The following ADAMTSL1 variants were observed in gnomAD, a reference collection of about 807,000 sequenced individuals.
The protein encoded by ADAMTSL1 is ADAMTS like 1.
In ADAMTSL1, 126 loss-of-function variants were observed where a neutral mutation model predicts 201.8. That is an observed-to-expected ratio of 0.62 (90% CI 0.54 to 0.72). ADAMTSL1 has a LOEUF of 0.72. ADAMTSL1 is among the 30% of genes least tolerant of loss of function. ADAMTSL1 has a pLI of 0.00. For missense variants in ADAMTSL1, 2,679 were observed against 2,277.8 expected (o/e 1.18, Z -3.59); for synonymous variants, 1,121 against 903.4 (o/e 1.24, Z -4.32).
intron 1 of ADAMTSL1, among the ~76,000 whole-genome samples, chr9:18,499,924 T>C (rs1029189719): frequency 2.0e-5 from 3 of 152,252 alleles, no homozygotes; most frequent in Admixed American, 2.0e-4. Context: ...CCTCTTGTTT[T>C]AACATTTGGA....
chr9:18,228,765 G>A (rs770402466), intron 2 of ADAMTSL1, among the ~76,000 whole-genome samples: 127 of 152,094 alleles, frequency 8.4e-4, no homozygotes, highest in African/African-American at 2.7e-3. Context: ...AGTATAAGTC[G>A]AGTTTTAATT....
At chr9:18,475,520 C>T (rs1821404515) in intron 1 of ADAMTSL1, among the ~76,000 whole-genome samples, 1 of 151,986 alleles carries the variant, frequency 6.6e-6, no homozygotes, top group Non-Finnish European at 1.5e-5. Flanking sequence ...ATTGCAAGTG[C>T]TATAAATATA....
chr9:18,491,491 T>C (rs1161680940), intron 1 of ADAMTSL1, among the ~76,000 whole-genome samples: 3 of 152,196 alleles, frequency 2.0e-5, no homozygotes, highest in Non-Finnish European at 4.4e-5. Context: ...TTATAAACTC[T>C]CAAAGTATTT....
chr9:18,312,885 G>A (rs1030993003), intron 2 of ADAMTSL1, among the ~76,000 whole-genome samples: 6 of 151,968 alleles, frequency 3.9e-5, no homozygotes, highest in African/African-American at 1.5e-4. Context: ...GCTGCTTCTG[G>A]CCACCAGCCA....
chr9:18,742,801 T>C (rs1818916106), intron 15 of ADAMTSL1, among the ~76,000 whole-genome samples: 1 of 152,178 alleles, frequency 6.6e-6, no homozygotes, highest in Non-Finnish European at 1.5e-5. Context: ...AAGATGCTAA[T>C]CAGTTAATAT....
At chr9:18,869,238 C>G (rs1276670562) in intron 23 of ADAMTSL1, among the ~76,000 whole-genome samples, 1 of 152,198 alleles carries the variant, frequency 6.6e-6, no homozygotes, top group Non-Finnish European at 1.5e-5. Flanking sequence ...ACTTTCATCT[C>G]GGACTTCTAG....
chr9:18,010,092 C>A (rs1200868934), intron 1 of ADAMTSL1, among the ~76,000 whole-genome samples: 3 of 151,968 alleles, frequency 2.0e-5, no homozygotes, highest in African/African-American at 7.2e-5. Context: ...CCCATGGGGG[C>A]AGTCTAGAAT....
intron 26 of ADAMTSL1, among the ~76,000 whole-genome samples, chr9:18,903,761 C>T (rs1830137120): frequency 6.6e-6 from 1 of 151,858 alleles, no homozygotes; most frequent in South Asian, 2.1e-4. Context: ...TCCACACAAA[C>T]TCAAGTCCTG....
At chr9:18,879,547 C>A (rs960430785) in intron 23 of ADAMTSL1, among the ~76,000 whole-genome samples, 1 of 152,192 alleles carries the variant, frequency 6.6e-6, no homozygotes, top group Non-Finnish European at 1.5e-5. Context: ...TTTCCCAATA[C>A]ATGTAAAAGT....
At chr9:17,962,512 GCTAT>G (rs781100797) in intron 1 of ADAMTSL1, among the ~76,000 whole-genome samples, 6 of 152,144 alleles carry the variant, frequency 3.9e-5, no homozygotes, top group Non-Finnish European at 7.4e-5. Context: ...TCCAGGGCCT[GCTAT>G]CTATGTGTAA....
chr9:18,831,050 G>C (rs1366393929), intron 23 of ADAMTSL1, among the ~76,000 whole-genome samples: 1 of 152,188 alleles, frequency 6.6e-6, no homozygotes, highest in Middle Eastern at 3.2e-3. Context: ...CAGGGGCCTG[G>C]TATCTTTAGG....
In ADAMTSL1 at chr9:18,886,292, C is replaced by G. The variant is rs1040822567; in HGVS notation, c.4250-1539C>G. Among the ~76,000 whole-genome samples, 6 of 149,442 alleles carry G rather than the reference C, an allele frequency of 4.0e-5. 1 individual carries two copies. Among genetic ancestry groups the G allele is most frequent in the African/African-American group, 1.5e-4 (6 of 40,624 alleles). On this transcript the variant is annotated intron_variant, in intron 23 of 28. Coordinates refer to ENST00000380548, the MANE Select transcript of ADAMTSL1 (RefSeq NM_001040272.6). ...AATTATCTGGACATGGTGGTGCACA[C>G]CTGTAATTGTAGCTACTTGGGAGTT... is the stretch of plus-strand genomic sequence containing the variant.
At chr9:18,490,589 C>T (rs1476337613) in intron 1 of ADAMTSL1, among the ~76,000 whole-genome samples, 3 of 151,990 alleles carry the variant, frequency 2.0e-5, no homozygotes, top group African/African-American at 4.8e-5. Context: ...GAGAAGACAA[C>T]TCAAGTGAGG....
intron 5 of ADAMTSL1, among the ~76,000 whole-genome samples, chr9:18,633,868 G>A (rs1587751959): frequency 6.6e-6 from 1 of 151,940 alleles, no homozygotes; most frequent in East Asian, 1.9e-4. Flanking sequence ...TCATTCAACA[G>A]ATAATGTGCT....
At chr9:18,619,357 A>AT (rs573248018) in intron 4 of ADAMTSL1, among the ~76,000 whole-genome samples, 2 of 152,196 alleles carry the variant, frequency 1.3e-5, no homozygotes, top group Admixed American at 6.6e-5. Context: ...TTTAAAAATA[A>AT]TTGAGTTAGA....
intron 3 of ADAMTSL1, among the ~76,000 whole-genome samples, chr9:18,536,280 A>G (rs969688165): frequency 7.2e-5 from 11 of 152,160 alleles, no homozygotes; most frequent in Non-Finnish European, 1.6e-4. Flanking sequence ...CTCCACGGTC[A>G]TCTTTAATCC....
chr9:18,294,536 T>G (rs532536219), intron 2 of ADAMTSL1, among the ~76,000 whole-genome samples: 2 of 152,154 alleles, frequency 1.3e-5, no homozygotes, highest in Admixed American at 1.3e-4. Flanking sequence ...TTTTCCAGGT[T>G]TGCACAGAGG....
chr9:18,408,602 T>G (rs1368916011), intron 2 of ADAMTSL1, among the ~76,000 whole-genome samples: 1 of 152,236 alleles, frequency 6.6e-6, no homozygotes, highest in Non-Finnish European at 1.5e-5. Flanking sequence ...TGCAGTCTAA[T>G]GGATGAGGCA....
At chr9:18,203,499 C>A (rs1418559619) in intron 2 of ADAMTSL1, among the ~76,000 whole-genome samples, 1 of 150,924 alleles carries the variant, frequency 6.6e-6, no homozygotes, top group East Asian at 1.9e-4. Flanking sequence ...AAAGCCTAGG[C>A]TCAGGATAGA....
Sources: gnomAD v4.1 joint callset for allele counts (sites outside exome capture counted in the v4.1 genomes callset) on GRCh38, gnomAD v4.1.1 for gene constraint, MANE v1.5 for transcripts, NCBI Gene and HGNC (gene_info 2026-07-23, HGNC 2026-07-21) for gene names.